KCTD5: variants seen among roughly 807,000 people sequenced by gnomAD.
The protein encoded by KCTD5 is potassium channel tetramerization domain containing 5.
Under a neutral mutation model 27.9 loss-of-function variants are expected in KCTD5, and 12 were observed. The observed-to-expected ratio is 0.43, with a 90% CI of 0.28 to 0.70. The LOEUF (loss-of-function observed/expected upper bound fraction) is 0.70. KCTD5 is among the 30% of genes least tolerant of loss of function. The probability of loss-of-function intolerance (pLI) is 0.19; values close to 1 mark genes in which losing one functional copy is unlikely to be tolerated. For synonymous variants in KCTD5, 147 were observed against 121.4 expected (o/e 1.21, Z -1.39); for missense variants, 226 against 274.8 (o/e 0.82, Z 1.26).
At chr16:2,700,797 C>T (rs922146935) in intron 4 of KCTD5, among the ~76,000 whole-genome samples, 1 of 126,982 alleles carries the variant, frequency 7.9e-6, no homozygotes, top group Non-Finnish European at 1.7e-5. Context: ...TTGTAGGGTA[C>T]TTGGAGCCCC....
chr16:2,702,193 G>T (rs2067615153), intron 4 of KCTD5, among the ~76,000 whole-genome samples, 160 bp from the exon 5 acceptor site: 1 of 152,230 alleles, frequency 6.6e-6, no homozygotes. Context: ...GTGTGCTCGT[G>T]CAGGTGTTCC....
At chr16:2,687,125 C>T (rs1397718365) in intron 1 of KCTD5, among the ~76,000 whole-genome samples, 2 of 152,224 alleles carry the variant, frequency 1.3e-5, no homozygotes, top group Admixed American at 1.3e-4. Flanking sequence ...TGGTCCTCAG[C>T]AAACCTGTGC....
Position 2,697,923 on chromosome 16 carries a change from G to A in KCTD5, c.379G>A (p.Glu127Lys), listed in dbSNP as rs1357664153. Residue 127 changes from glutamate to lysine, a missense_variant, in exon 3 of 6, where the codon GAA becomes AAA. Physicochemically the swap from Glu to Lys is moderately conservative, Grantham distance 56 (BLOSUM62 1). Coordinates refer to ENST00000301738, the MANE Select transcript of KCTD5 (RefSeq NM_018992.4). ...LAEEGVLEEA[E>K]FYNITSLIKL... Reference sequence around the variant, plus strand: ...TATTCCAGGAGTGTTGGAGGAAGCAGAATTTTACAATATCACCTCATTAAT... The same window carrying A: ...TATTCCAGGAGTGTTGGAGGAAGCAAAATTTTACAATATCACCTCATTAAT... 1 of 1,609,944 alleles carries A rather than the reference G, an allele frequency of 6.2e-7. No homozygotes were observed. Among genetic ancestry groups the A allele is most frequent in the Non-Finnish European group, 8.5e-7 (1 of 1,176,550 alleles).
In KCTD5 at chr16:2,702,772, C is replaced by A. The variant is rs1596225718; in HGVS notation, c.675+294C>A. Among the ~76,000 whole-genome samples, 3 of 147,274 alleles carry A rather than the reference C, an allele frequency of 2.0e-5. No individual in the cohort carries two copies. In the East Asian group the frequency reaches 5.8e-4, roughly 29 times the overall value. ...CACTGAGGGCTGTGTCTCAGGGGACCCAGGGTCCTCTGTTCCCCGGGCCCA... is the reference window on the plus strand; with the variant it reads ...CACTGAGGGCTGTGTCTCAGGGGACACAGGGTCCTCTGTTCCCCGGGCCCA... On this transcript the variant is annotated intron_variant, in intron 5 of 5. Coordinates refer to ENST00000301738, the MANE Select transcript of KCTD5 (RefSeq NM_018992.4).
intron 1 of KCTD5, among the ~76,000 whole-genome samples, chr16:2,689,584 C>T (rs534336943): frequency 6.7e-6 from 1 of 148,676 alleles, no homozygotes; most frequent in East Asian, 2.0e-4. Flanking sequence ...GCTCTGGGAG[C>T]TGCGGGAGGG....
At chr16:2,699,172 G>C (rs1297470761) in intron 3 of KCTD5, 2 of 456,004 alleles carry the variant, frequency 4.4e-6, no homozygotes, top group Non-Finnish European at 8.8e-6. Context: ...TCTGCAGCCT[G>C]AGTCCTCCGT....
chr16:2,705,082 C>T (rs549871958), intron 5 of KCTD5, among the ~76,000 whole-genome samples: 53 of 152,336 alleles, frequency 3.5e-4, no homozygotes, highest in Non-Finnish European at 5.4e-4. Context: ...CCCGCCCACC[C>T]GCACTGTCCT....
chr16:2,689,965 T>C (rs1021802709), intron 1 of KCTD5, among the ~76,000 whole-genome samples: 3 of 152,244 alleles, frequency 2.0e-5, no homozygotes, highest in Non-Finnish European at 4.4e-5. Context: ...CGTAAGCCAC[T>C]GTGCCCAGCC....
At chr16:2,688,467 T>C (rs1208078466) in intron 1 of KCTD5, among the ~76,000 whole-genome samples, 1 of 152,050 alleles carries the variant, frequency 6.6e-6, no homozygotes. Flanking sequence ...GCCAGGCTGG[T>C]CTCGAACTCC....
chr16:2,706,692 G>A (rs983305137), intron 5 of KCTD5, among the ~76,000 whole-genome samples: 3 of 152,028 alleles, frequency 2.0e-5, no homozygotes, highest in Admixed American at 6.6e-5. Flanking sequence ...CCGAGGGGCC[G>A]TGGGCTCTGC....
At chr16:2,685,796 ATT>A (rs1449175180) in intron 1 of KCTD5, 3 of 148,686 alleles carry the variant, frequency 2.0e-5, no homozygotes, top group Non-Finnish European at 4.5e-5. Flanking sequence ...AGGAAAGAAT[ATT>A]CCTCGAGTTG....
chr16:2,689,850 A>G (rs1213976233), intron 1 of KCTD5, among the ~76,000 whole-genome samples: 2 of 152,190 alleles, frequency 1.3e-5, no homozygotes, highest in Admixed American at 6.5e-5. Flanking sequence ...TAATTTGTGT[A>G]TTTTTAGTAG....
At chr16:2,697,820 AGG>A in intron 2 of KCTD5, 84 bp from the exon 3 acceptor site, 1 of 930,012 alleles carries the variant, frequency 1.1e-6, no homozygotes, top group South Asian at 1.5e-5. Context: ...TTGCAGGGGC[AGG>A]GGCAAGGGCA....
chr16:2,682,548 C>T lies in KCTD5; in HGVS notation c.-1C>T, dbSNP rs760120857. ...GAGCTGTTGCGGGGCTTGCTGGGAT[C>T]ATGGCGGAGAATCACTGCGAGCTCC... On this transcript the variant is annotated 5_prime_UTR_variant, in exon 1 of 6. Coordinates refer to ENST00000301738, the MANE Select transcript of KCTD5 (RefSeq NM_018992.4). 166 of 1,405,872 alleles carry T rather than the reference C, an allele frequency of 1.2e-4. No individual in the cohort carries two copies. Among genetic ancestry groups the T allele is most frequent in the East Asian group, 1.6e-4 (6 of 36,450 alleles). The allele number at this position is 1,405,872 out of a possible 1,614,324, so 87.1% of individuals were successfully genotyped here.
chr16:2,692,938 C>T (rs2067573004), intron 1 of KCTD5, among the ~76,000 whole-genome samples: 1 of 152,286 alleles, frequency 6.6e-6, no homozygotes, highest in South Asian at 2.1e-4. Flanking sequence ...TGGGCAGCTG[C>T]AGTTGTGGGC....
intron 1 of KCTD5, among the ~76,000 whole-genome samples, chr16:2,688,251 T>G (rs200585517): frequency 8.8e-6 from 1 of 114,198 alleles, no homozygotes; most frequent in Non-Finnish European, 1.8e-5. Flanking sequence ...ATATATTTAT[T>G]TATTTATTTA....
intron 4 of KCTD5, among the ~76,000 whole-genome samples, chr16:2,701,310 T>C (rs1187614540): frequency 1.3e-5 from 2 of 152,178 alleles, no homozygotes; most frequent in African/African-American, 4.8e-5. Context: ...TCCCAGTTCA[T>C]GTAGGGAAGC....
At chr16:2,692,112 C>G (rs946538000) in intron 1 of KCTD5, among the ~76,000 whole-genome samples, 1 of 152,200 alleles carries the variant, frequency 6.6e-6, no homozygotes, top group African/African-American at 2.4e-5. Context: ...CTTCAGGCAC[C>G]CTGGAAAGGT....
Position 2,699,821 on chromosome 16 carries a change from G to A in KCTD5, c.454G>A (p.Val152Met). 6.2e-7 allele frequency: 1 copy of A among 1,613,320 alleles called. No individual in the cohort carries two copies. The highest frequency in any genetic ancestry group is 8.5e-7 in the Non-Finnish European group (1 of 1,179,710). The change falls in exon 4 of 6, where the codon GTG (valine) becomes ATG (methionine). Residue 152 changes from valine to methionine, a missense_variant and splice_region_variant. Val to Met is a conservative substitution (Grantham distance 21). Transcript: ENST00000301738. ...TTACCTGTGCCCATTGTCCTTGCAG[G>A]TGCCTGTGAAGCATGTGTACCGTGT... ...IRERDSKTSQ[V>M]PVKHVYRVLQ...
Sources: allele counts gnomAD v4.1 joint callset (sites outside exome capture counted in the v4.1 genomes callset), GRCh38; gene constraint gnomAD v4.1.1; transcripts MANE v1.5; gene names NCBI Gene and HGNC (gene_info 2026-07-23, HGNC 2026-07-21).